Variants in FARSB observed in about 807,000 individuals in gnomAD.
FARSB encodes phenylalanyl-tRNA synthetase subunit beta.
A neutral mutation model predicts 69.6 loss-of-function variants in FARSB; 40 were observed. That is an observed-to-expected ratio of 0.57 (90% CI 0.45 to 0.75). The LOEUF is 0.75. FARSB is among the 30% of genes least tolerant of loss of function. FARSB has a pLI of 0.00. For missense variants in FARSB, 632 were observed against 722.9 expected (o/e 0.87, Z 1.44); for synonymous variants, 235 against 247.2 (o/e 0.95, Z 0.46).
At chr2:222,607,269 A>T (rs1353258688) in intron 15 of FARSB, among the ~76,000 whole-genome samples, 2 of 152,228 alleles carry the variant, frequency 1.3e-5, no homozygotes, top group Admixed American at 1.3e-4. Context: ...TTAGATGTTT[A>T]CACCTATGGA....
intron 16 of FARSB, among the ~76,000 whole-genome samples, chr2:222,593,770 C>CT (rs546503187): frequency 3.8e-4 from 58 of 151,992 alleles, no homozygotes; most frequent in African/African-American, 1.4e-3. Context: ...ACACTGATGG[C>CT]TGAGGTGAGA....
chr2:222,605,863 G>A (rs1690691427), intron 15 of FARSB, among the ~76,000 whole-genome samples: 1 of 152,184 alleles, frequency 6.6e-6, no homozygotes, highest in Non-Finnish European at 1.5e-5. Context: ...CTTGAGCACA[G>A]GAGTTCGAGA....
intron 13 of FARSB, among the ~76,000 whole-genome samples, chr2:222,621,301 T>C (rs1691128786): frequency 6.6e-6 from 1 of 152,210 alleles, no homozygotes; most frequent in African/African-American, 2.4e-5. Context: ...AAACTTTTTT[T>C]TGTTTGAGAC....
intron 16 of FARSB, among the ~76,000 whole-genome samples, chr2:222,595,890 G>T (rs757608386): frequency 2.8e-4 from 42 of 151,178 alleles, no homozygotes; most frequent in Non-Finnish European, 5.3e-4. Context: ...CACAAAAAAT[G>T]AAGGGGAAGA....
chr2:222,606,908 T>G (rs1690717136), intron 15 of FARSB, among the ~76,000 whole-genome samples: 1 of 152,220 alleles, frequency 6.6e-6, no homozygotes, highest in African/African-American at 2.4e-5. Context: ...GAAAACCTAT[T>G]GGGAGACCAA....
intron 15 of FARSB, among the ~76,000 whole-genome samples, chr2:222,605,978 A>C (rs1156669380): frequency 1.3e-5 from 2 of 152,230 alleles, no homozygotes; most frequent in East Asian, 3.8e-4. Context: ...ATTTCATTCA[A>C]GAAAGGTTTC....
rs1689694520 is a variant in FARSB at position 222,570,355 on chromosome 2, T to A, written c.*1516A>T. On this transcript the variant is annotated 3_prime_UTR_variant, in exon 17 of 17. Coordinates refer to ENST00000281828, the MANE Select transcript of FARSB (RefSeq NM_005687.5). The stretch of plus-strand genomic sequence containing the variant: ...TTAAAATGTTGTAAGGATCTGCTTA[T>A]AACAGAGCTGTGAAGGGTCAGCTGG... 6.6e-6 allele frequency among the ~76,000 whole-genome samples: 1 copy of A among 152,232 alleles called. No individual in the cohort carries two copies. The highest frequency in any genetic ancestry group is 2.1e-4 in the South Asian group (1 of 4,826).
At chr2:222,588,382 T>C (rs1437653108) in intron 16 of FARSB, among the ~76,000 whole-genome samples, 1 of 152,234 alleles carries the variant, frequency 6.6e-6, no homozygotes, top group African/African-American at 2.4e-5. Context: ...GAGCTATTTA[T>C]GACAAACTCA....
At chr2:222,585,994 A>T (rs7589260) in intron 16 of FARSB, among the ~76,000 whole-genome samples, 9,645 of 152,234 alleles carry the variant, frequency 0.063, 648 homozygotes, top group African/African-American at 0.17. Flanking sequence ...CCACCATTCA[A>T]TTCAGGAAAT....
chr2:222,595,511 A>AT (rs1224932221), intron 16 of FARSB, among the ~76,000 whole-genome samples: 1 of 152,182 alleles, frequency 6.6e-6, no homozygotes, highest in Admixed American at 6.5e-5. Context: ...TTACAAGGTT[A>AT]TTTTTCATTT....
chr2:222,621,321 C>T lies in FARSB; in HGVS notation c.1252-1584G>A, dbSNP rs147364866. 2.1e-3 allele frequency among the ~76,000 whole-genome samples: 319 copies of T among 152,282 alleles called. 2 individuals are homozygous for T. In the Middle Eastern group the frequency reaches 0.024, roughly 11 times the overall value. On this transcript the variant is annotated intron_variant, in intron 13 of 16. Coordinates refer to ENST00000281828, the MANE Select transcript of FARSB (RefSeq NM_005687.5). The stretch of plus-strand genomic sequence containing the variant: ...TTTTTTTGTTTGAGACAGAGTCTCA[C>T]CCTGTCGCCCACACTGGAGTTCAGT...
chr2:222,633,336 A>C, intron 6 of FARSB, 29 bp from the exon 7 acceptor site: 2 of 1,130,762 alleles, frequency 1.8e-6, no homozygotes, highest in South Asian at 2.7e-5. Context: ...AAATAAAATT[A>C]GTTTTTTTTT....
intron 14 of FARSB, among the ~76,000 whole-genome samples, chr2:222,619,121 G>T (rs921303912): frequency 6.8e-6 from 1 of 147,936 alleles, no homozygotes; most frequent in African/African-American, 2.5e-5. Flanking sequence ...CAGCCTGGGC[G>T]ACAGAGCGAG....
intron 10 of FARSB, among the ~76,000 whole-genome samples, chr2:222,626,647 T>C (rs1317224982): frequency 4.6e-5 from 7 of 152,212 alleles, no homozygotes; most frequent in Non-Finnish European, 1.0e-4. Flanking sequence ...GGTTTATCCA[T>C]ATGAGGAGAA....
intron 15 of FARSB, among the ~76,000 whole-genome samples, chr2:222,606,027 T>C (rs1038059608): frequency 1.3e-5 from 2 of 152,252 alleles, no homozygotes; most frequent in African/African-American, 2.4e-5. Context: ...ATGAACTATA[T>C]ATTTTTAGAT....
At chr2:222,591,733 A>G (rs1344616839) in intron 16 of FARSB, among the ~76,000 whole-genome samples, 1 of 152,198 alleles carries the variant, frequency 6.6e-6, no homozygotes, top group Non-Finnish European at 1.5e-5. Flanking sequence ...CCAAGAAGAC[A>G]TTTTAAAAGC....
chr2:222,627,585 A>G (rs2106222871), intron 10 of FARSB, among the ~76,000 whole-genome samples: 1 of 152,336 alleles, frequency 6.6e-6, no homozygotes, highest in South Asian at 2.1e-4. Context: ...TTAAGCCACT[A>G]AGTCTTGGGG....
In FARSB at chr2:222,567,701, G is replaced by A. The variant is rs892575566; in HGVS notation, c.*4170C>T. On this transcript the variant is annotated 3_prime_UTR_variant, in exon 17 of 17. Coordinates refer to ENST00000281828, the MANE Select transcript of FARSB (RefSeq NM_005687.5). ...AATAATATATAGTTCAAGTACAAAC[G>A]TCACATCAAAGAAATATCTAATGAA... 7 of 152,162 alleles carry A rather than the reference G, an allele frequency of 4.6e-5. No homozygotes were observed. Among genetic ancestry groups the A allele is most frequent in the Non-Finnish European group, 1.0e-4 (7 of 68,030 alleles). 9.4% of individuals were successfully genotyped at this position (152,162 alleles called of 1,614,324 possible).
intron 15 of FARSB, among the ~76,000 whole-genome samples, chr2:222,609,408 C>G (rs908811992): frequency 3.3e-5 from 5 of 152,210 alleles, no homozygotes; most frequent in African/African-American, 4.8e-5. Context: ...ATAGCTCACA[C>G]AGCAGCCTGA....
Sources: gnomAD v4.1 joint callset for allele counts (sites outside exome capture counted in the v4.1 genomes callset) on GRCh38, gnomAD v4.1.1 for gene constraint, MANE v1.5 for transcripts, NCBI Gene and HGNC (gene_info 2026-07-23, HGNC 2026-07-21) for gene names.